Variants in CMTM7 observed in about 807,000 individuals in gnomAD.
The protein encoded by CMTM7 is CKLF-like MARVEL transmembrane domain-containing protein 7.
In CMTM7, 7 loss-of-function variants were observed where a neutral mutation model predicts 19.3. The observed-to-expected ratio is 0.36, with a 90% CI of 0.21 to 0.68. The LOEUF (loss-of-function observed/expected upper bound fraction) is 0.68. Ranked by LOEUF, CMTM7 falls within the 30% of genes least tolerant of loss-of-function variation. CMTM7 has a pLI of 0.60. For missense variants in CMTM7, 193 were observed against 232.6 expected (o/e 0.83, Z 1.11); for synonymous variants, 87 against 99.3 (o/e 0.88, Z 0.74).
chr3:32,414,674 A>G (rs1372119107), intron 1 of CMTM7, among the ~76,000 whole-genome samples: 1 of 152,228 alleles, frequency 6.6e-6, no homozygotes, highest in African/African-American at 2.4e-5. Context: ...AGAGGAAATG[A>G]TAACCCAAGA....
At chr3:32,405,304 G>C (rs661061) in intron 1 of CMTM7, among the ~76,000 whole-genome samples, 90,328 of 151,706 alleles carry the variant, frequency 0.6, 27,391 homozygotes, top group Non-Finnish European at 0.65. Context: ...AACTAACGCA[G>C]TCACAAAAGC....
chr3:32,444,651 A>G (rs1696728389), intron 2 of CMTM7, among the ~76,000 whole-genome samples: 1 of 152,270 alleles, frequency 6.6e-6, no homozygotes, highest in African/African-American at 2.4e-5. Flanking sequence ...TGCTATCCTA[A>G]TAATATTGTC....
At chr3:32,420,109 C>T (rs1240702151) in intron 1 of CMTM7, among the ~76,000 whole-genome samples, 1 of 152,190 alleles carries the variant, frequency 6.6e-6, no homozygotes, top group Non-Finnish European at 1.5e-5. Flanking sequence ...TCCCTGTTGT[C>T]ACCTTAGAAG....
chr3:32,444,544 C>T (rs115350421), intron 2 of CMTM7, among the ~76,000 whole-genome samples: 1 of 152,026 alleles, frequency 6.6e-6, no homozygotes, highest in Non-Finnish European at 1.5e-5. Flanking sequence ...CGTTACAATT[C>T]CATGTGAATT....
intron 1 of CMTM7, among the ~76,000 whole-genome samples, chr3:32,409,573 T>A (rs1696142520): frequency 6.6e-6 from 1 of 152,198 alleles, no homozygotes; most frequent in Non-Finnish European, 1.5e-5. Context: ...GTGTATTCAG[T>A]TGTCACATCT....
rs373532397 is a variant in CMTM7, at chr3:32,441,869, G to A, written c.189G>A (p.Val63=). The A allele has an allele frequency of 1.4e-5, 23 of 1,614,082 alleles. No homozygotes were observed. The highest frequency in any genetic ancestry group is 1.9e-5 in the Non-Finnish European group (23 of 1,180,034). The change falls in exon 2 of 5, where the codon GTG becomes GTA. Residue 63 remains valine, a synonymous_variant. Coordinates refer to ENST00000334983, the MANE Select transcript of CMTM7 (RefSeq NM_138410.4). The part of the protein sequence containing the change: ...MVTLLIAFIC[V]RSSLWTNYSA... ...CCCTGCTGATTGCCTTCATCTGTGT[G>A]CGGAGCTCCCTGTGGACCAACTACA...
chr3:32,424,802 C>T (rs943690510), intron 1 of CMTM7, among the ~76,000 whole-genome samples: 7 of 152,128 alleles, frequency 4.6e-5, no homozygotes, highest in African/African-American at 1.4e-4. Flanking sequence ...TGCGCCACTG[C>T]ACCCAGCTAA....
intron 1 of CMTM7, among the ~76,000 whole-genome samples, chr3:32,417,155 A>G (rs73826528): frequency 0.014 from 2,091 of 152,308 alleles, 46 homozygotes; most frequent in African/African-American, 0.047. Flanking sequence ...GCATAGAGTT[A>G]TAGATCCGTC....
intron 2 of CMTM7, among the ~76,000 whole-genome samples, chr3:32,446,494 T>A (rs1696755297): frequency 6.6e-6 from 1 of 152,204 alleles, no homozygotes. Context: ...TAAATGTTGC[T>A]TTAATCTTTA....
intron 1 of CMTM7, among the ~76,000 whole-genome samples, chr3:32,393,271 A>G (rs1051949189): frequency 6.6e-6 from 1 of 152,246 alleles, no homozygotes; most frequent in Non-Finnish European, 1.5e-5. Context: ...GTGTCTAGAT[A>G]GACCAAAAAC....
chr3:32,450,904 G>T (rs1696820144), intron 3 of CMTM7: 1 of 152,204 alleles, frequency 6.6e-6, no homozygotes, highest in Non-Finnish European at 1.5e-5. Flanking sequence ...GAAGTTAGAA[G>T]AAATTTTTAA....
intron 1 of CMTM7, among the ~76,000 whole-genome samples, chr3:32,429,233 T>C (rs1480332371): frequency 6.6e-6 from 1 of 152,176 alleles, no homozygotes; most frequent in East Asian, 1.9e-4. Flanking sequence ...GAATCCTTTT[T>C]TCCCCCTCCC....
chr3:32,415,558 G>C (rs761022945), intron 1 of CMTM7, among the ~76,000 whole-genome samples: 47 of 152,308 alleles, frequency 3.1e-4, no homozygotes, highest in Admixed American at 5.2e-4. Flanking sequence ...TGAAATCTTG[G>C]GTACATCACC....
chr3:32,420,728 C>T (rs965871842), intron 1 of CMTM7, among the ~76,000 whole-genome samples: 2 of 152,278 alleles, frequency 1.3e-5, no homozygotes, highest in East Asian at 1.9e-4. Context: ...AAAAATGCAG[C>T]GGCCAGAGAG....
chr3:32,393,237 T>C (rs1695865730), intron 1 of CMTM7, among the ~76,000 whole-genome samples: 2 of 152,334 alleles, frequency 1.3e-5, no homozygotes, highest in South Asian at 4.1e-4. Context: ...GAAGGGGCGC[T>C]GAGTTCCTGC....
Sources: gnomAD v4.1 joint callset for allele counts (sites outside exome capture counted in the v4.1 genomes callset) on GRCh38, gnomAD v4.1.1 for gene constraint, MANE v1.5 for transcripts, NCBI Gene and HGNC (gene_info 2026-07-23, HGNC 2026-07-21) for gene names.